The following EYS variants were observed in gnomAD, a reference collection of about 807,000 sequenced individuals.
EYS encodes protein eyes shut homolog.
In EYS, 250 loss-of-function variants were observed where a neutral mutation model predicts 282.1. The observed-to-expected ratio is 0.89, with a 90% CI of 0.80 to 0.98. The LOEUF is 0.98. Ranked by LOEUF, EYS falls within the 50% of genes least tolerant of loss-of-function variation. The pLI is 0.00. For synonymous variants in EYS, 1,355 were observed against 1,282.9 expected, an observed-to-expected ratio of 1.06 and a Z score of -1.20; for missense variants, 4,016 against 3,709.0, an observed-to-expected ratio of 1.08 and a Z score of -2.15.
At chr6:65,171,678 A>G (rs1040251631) in intron 12 of EYS, among the ~76,000 whole-genome samples, 1 of 151,456 alleles carries the variant, frequency 6.6e-6, no homozygotes, top group Non-Finnish European at 1.5e-5. Context: ...TACCAAGCAA[A>G]CACTGCTCAC....
chr6:64,422,134 T>C (rs1331781651), intron 28 of EYS, among the ~76,000 whole-genome samples: 1 of 151,830 alleles, frequency 6.6e-6, no homozygotes, highest in African/African-American at 2.4e-5. Flanking sequence ...GATAGATCGA[T>C]AGATTGATAG....
intron 19 of EYS, among the ~76,000 whole-genome samples, chr6:64,865,180 A>T (rs1234075586): frequency 1.3e-5 from 2 of 152,224 alleles, no homozygotes; most frequent in Non-Finnish European, 2.9e-5. Flanking sequence ...TGTGAACAAA[A>T]ATATCTTTCT....
intron 11 of EYS, chr6:65,332,251 A>T (rs746336263): frequency 1.6e-6 from 1 of 638,886 alleles, no homozygotes; most frequent in Non-Finnish European, 2.9e-6. Context: ...CTACATTATC[A>T]TGCATTTTCT....
intron 2 of EYS, among the ~76,000 whole-genome samples, chr6:65,521,694 T>C (rs1354439153): frequency 6.6e-6 from 1 of 152,172 alleles, no homozygotes; most frequent in Non-Finnish European, 1.5e-5. Context: ...TGATTGGCTA[T>C]ATTTAAAGTA....
chr6:63,937,473 C>T (rs1484680079), intron 35 of EYS, among the ~76,000 whole-genome samples: 2 of 145,784 alleles, frequency 1.4e-5, no homozygotes, highest in South Asian at 2.2e-4. Flanking sequence ...CTCCGCCTCC[C>T]GGGTTCACGC....
At chr6:64,611,492 C>G (rs1187449201) in intron 24 of EYS, among the ~76,000 whole-genome samples, 1 of 152,076 alleles carries the variant, frequency 6.6e-6, no homozygotes, top group African/African-American at 2.4e-5. Flanking sequence ...TCATTTTGTA[C>G]CCAATGCTGA....
chr6:65,008,076 C>T (rs1158530156), intron 13 of EYS, among the ~76,000 whole-genome samples: 1 of 152,128 alleles, frequency 6.6e-6, no homozygotes, highest in African/African-American at 2.4e-5. Context: ...CCAGTATAGG[C>T]CCTCACTGGG....
chr6:64,607,091 C>A (rs1224677193), intron 24 of EYS, among the ~76,000 whole-genome samples: 1 of 151,784 alleles, frequency 6.6e-6, no homozygotes, highest in Non-Finnish European at 1.5e-5. Context: ...TAAAACCCTG[C>A]CGTTTCTCAG....
intron 31 of EYS, among the ~76,000 whole-genome samples, chr6:64,180,385 C>G (rs1398600645): frequency 6.6e-6 from 1 of 152,112 alleles, no homozygotes; most frequent in Admixed American, 6.6e-5. Flanking sequence ...ACACCTACTA[C>G]CGACCAAAAA....
chr6:65,488,234 C>T (rs1426831610), intron 5 of EYS, among the ~76,000 whole-genome samples: 1 of 151,952 alleles, frequency 6.6e-6, no homozygotes, highest in African/African-American at 2.4e-5. Context: ...TGTGTTTGCT[C>T]TTGCTTCTCT....
chr6:63,896,976 A>T (rs954578383), intron 35 of EYS, among the ~76,000 whole-genome samples: 1 of 152,236 alleles, frequency 6.6e-6, no homozygotes, highest in African/African-American at 2.4e-5. Context: ...TTTGGAAATT[A>T]TGAATAAAGC....
At chr6:63,747,773 C>G (rs1438492147) in intron 41 of EYS, among the ~76,000 whole-genome samples, 1 of 152,044 alleles carries the variant, frequency 6.6e-6, no homozygotes, top group Non-Finnish European at 1.5e-5. Context: ...ATTGCAACCT[C>G]TGCTTATTTT....
At chr6:65,438,379 G>GATATATACC (rs1768170064) in intron 5 of EYS, among the ~76,000 whole-genome samples, 3 of 152,074 alleles carry the variant, frequency 2.0e-5, no homozygotes, top group Non-Finnish European at 2.9e-5. Flanking sequence ...CCCAGTAACG[G>GATATATACC]GATGGCTGGG....
Position 65,106,007 on chromosome 6 carries a change from A to G in EYS, c.2024-48280T>C, listed in dbSNP as rs78746082. The stretch of plus-strand genomic sequence containing the variant: ...AGTTAGGAATACCAACAAAGGTGTT[A>G]GCAGGCTAGTTCTTACAGACCATAC... On this transcript the variant is annotated intron_variant, in intron 12 of 42. Coordinates refer to ENST00000503581, the MANE Select transcript of EYS (RefSeq NM_001142800.2). Among the ~76,000 whole-genome samples, 1,075 of 152,086 alleles carry G rather than the reference A, an allele frequency of 7.1e-3. 16 individuals carry two copies. Among genetic ancestry groups the G allele is most frequent in the African/African-American group, 0.024 (1,017 of 41,552 alleles).
chr6:65,559,945 C>G (rs902971048), intron 2 of EYS, among the ~76,000 whole-genome samples: 2 of 151,064 alleles, frequency 1.3e-5, no homozygotes, highest in Admixed American at 1.3e-4. Flanking sequence ...ACTTAAAATA[C>G]TTTCTAGTTT....
intron 28 of EYS, among the ~76,000 whole-genome samples, chr6:64,400,065 A>G (rs528717395): frequency 4.4e-4 from 67 of 152,096 alleles, no homozygotes; most frequent in African/African-American, 1.6e-3. Context: ...CAGAAGAAAA[A>G]GGATTTTGGG....
chr6:64,719,085 C>A (rs1402117530), intron 22 of EYS, among the ~76,000 whole-genome samples: 1 of 152,108 alleles, frequency 6.6e-6, no homozygotes, highest in Non-Finnish European at 1.5e-5. Flanking sequence ...CAAGCCATTG[C>A]TGATTTGAAG....
chr6:65,538,756 C>T (rs1397077421), intron 2 of EYS, among the ~76,000 whole-genome samples: 1 of 152,104 alleles, frequency 6.6e-6, no homozygotes. Flanking sequence ...CATGACTCCT[C>T]CTAGTATTCA....
At position 64,675,413 on chromosome 6, in the gene EYS, T is replaced by A. The variant is rs558126054; in HGVS notation, c.3444-49168A>T. ...CAAACCTTTCTTTTCGTTTTTCCTGTTTCTCTTTTTTTTTCTTTTTTTTTT... is the reference window on the plus strand; with the variant it reads ...CAAACCTTTCTTTTCGTTTTTCCTGATTCTCTTTTTTTTTCTTTTTTTTTT... On this transcript the variant is annotated intron_variant, in intron 22 of 42. Transcript: ENST00000503581. Among the ~76,000 whole-genome samples, 19 of 130,038 alleles carry A rather than the reference T, an allele frequency of 1.5e-4. 1 individual carries two copies. The South Asian group carries it at 5.1e-3, about 35-fold the overall frequency. 85.3% of individuals were successfully genotyped at this position (130,038 alleles called of 152,430 possible).
Sources: gnomAD v4.1 joint callset for allele counts (sites outside exome capture counted in the v4.1 genomes callset) on GRCh38, gnomAD v4.1.1 for gene constraint, MANE v1.5 for transcripts, NCBI Gene and HGNC (gene_info 2026-07-23, HGNC 2026-07-21) for gene names.